CABP1: variants seen among roughly 807,000 people sequenced by gnomAD.
The protein encoded by CABP1 is calcium binding protein 1, also known as calcium-binding protein 1.
Under a neutral mutation model 34.3 loss-of-function variants are expected in CABP1, and 17 were observed. The observed-to-expected ratio is 0.50, with a 90% confidence interval of 0.34 to 0.74. The LOEUF is 0.74. Among genes scored for constraint, CABP1 ranks in the 30% least tolerant of loss-of-function variants. CABP1 has a pLI of 0.01. For missense variants in CABP1, 373 were observed against 511.1 expected (o/e 0.73, Z 2.61); for synonymous variants, 198 against 229.2 (o/e 0.86, Z 1.23).
At chr12:120,678,270 C>G in the CABP1 span, among the ~76,000 whole-genome samples, 1 of 152,212 alleles carries the variant, frequency 6.6e-6, no homozygotes, top group African/African-American at 2.4e-5. Flanking sequence ...CTTTGTTCTT[C>G]TGATCCTTAT....
intron 1 of CABP1, among the ~76,000 whole-genome samples, chr12:120,644,266 A>G (rs1879455780): frequency 6.6e-6 from 1 of 152,364 alleles, no homozygotes; most frequent in East Asian, 1.9e-4. Flanking sequence ...TGCCTGGCTC[A>G]TAGTGAGTGC....
At chr12:120,658,232 T>A (rs1880374322) in intron 1 of CABP1, among the ~76,000 whole-genome samples, 1 of 151,912 alleles carries the variant, frequency 6.6e-6, no homozygotes, top group Admixed American at 6.6e-5. Flanking sequence ...TAGCTGGGAC[T>A]ACAGGCGTGA....
At chr12:120,655,467 C>G in intron 1 of CABP1, 1 of 972,492 alleles carries the variant, frequency 1.0e-6, no homozygotes, top group Non-Finnish European at 1.2e-6. Flanking sequence ...CACTTTGCCC[C>G]AGTCCCCACC....
the CABP1 span, among the ~76,000 whole-genome samples, chr12:120,672,601 CAAAAAAA>C: frequency 5.0e-5 from 5 of 99,302 alleles, no homozygotes; most frequent in African/African-American, 1.4e-4. Context: ...CATTGCACTC[CAAAAAAA>C]AAAAAAAAAA....
chr12:120,678,014 G>C, the CABP1 span, among the ~76,000 whole-genome samples: 1 of 152,162 alleles, frequency 6.6e-6, no homozygotes, highest in East Asian at 1.9e-4. Context: ...AGGACCAGCA[G>C]ACACGGTGGG....
intron 1 of CABP1, among the ~76,000 whole-genome samples, chr12:120,654,476 G>A (rs1362940379): frequency 6.6e-6 from 1 of 152,178 alleles, no homozygotes; most frequent in Non-Finnish European, 1.5e-5. Context: ...TCTTTGCCCT[G>A]GAGGAATCTG....
intron 1 of CABP1, chr12:120,650,802 C>T: frequency 9.8e-7 from 1 of 1,025,174 alleles, no homozygotes. Context: ...GGGTTCTGTC[C>T]AGGGCTGCCT....
rs889185821 is a variant in CABP1, at chr12:120,660,496, T to C, written c.829+157T>C. On this transcript the variant is annotated intron_variant, in intron 3 of 5. Transcript: ENST00000316803. This position sits in a 1 kb window ranked among gnomAD's most constrained non-coding sequence, Gnocchi z 5.0. ...CTCTCTGAGCCTCAGTTTCCTCACC[T>C]GTAAAATGAGGGCCGAATTGGAGGA... Among the ~76,000 whole-genome samples the C allele has an allele frequency of 4.6e-5, 7 of 152,176 alleles. No homozygotes were observed. Among genetic ancestry groups the C allele is most frequent in the Admixed American group, 4.6e-4 (7 of 15,270 alleles).
At chr12:120,670,982 G>A (rs1881231996), downstream of CABP1, among the ~76,000 whole-genome samples, 1 of 152,142 alleles carries the variant, frequency 6.6e-6, no homozygotes. Context: ...TGGCCTAAGT[G>A]CTACATATTA....
chr12:120,671,110 T>C (rs1881237079), downstream of CABP1, among the ~76,000 whole-genome samples: 1 of 151,972 alleles, frequency 6.6e-6, no homozygotes, highest in South Asian at 2.1e-4. Flanking sequence ...GGATCAGCAG[T>C]GCTTAGTTAG....
chr12:120,660,201 C>T lies in CABP1; in HGVS notation c.691C>T (p.Arg231Ter). The change falls in exon 3 of 6, where the codon CGA becomes TGA. Residue 231 changes from arginine to a stop codon, truncating the protein, a stop_gained. Coordinates refer to ENST00000316803, the MANE Select transcript of CABP1 (RefSeq NM_001033677.2). LOFTEE classifies it high-confidence loss of function. The surrounding 1 kb of genome is among the most constrained non-coding windows in gnomAD (Gnocchi z 5.0). The part of the protein sequence containing the change: ...SLRPEEIEEL[R>*]EAFREFDKDK... ...ACCTTTGCTCACTTCCCCAGAGCTC[C>T]GAGAGGCCTTCAGAGAATTCGACAA... 1.9e-6 allele frequency: 3 copies of T among 1,614,090 alleles called. No homozygotes were observed. Among genetic ancestry groups the T allele is most frequent in the Non-Finnish European group, 1.7e-6 (2 of 1,179,986 alleles).
In CABP1 at chr12:120,660,650, G is replaced by A. The variant is rs1880567425; in HGVS notation, c.830-81G>A. The A allele has an allele frequency of 2.1e-6, 2 of 955,168 alleles. No individual in the cohort carries two copies. Among genetic ancestry groups the A allele is most frequent in the Non-Finnish European group, 3.4e-6 (2 of 584,850 alleles). The allele number at this position is 955,168 out of a possible 1,614,324, so 59.2% of individuals were successfully genotyped here. A position where few individuals can be genotyped will look rare whatever the true frequency, so the allele number is the denominator to read the frequency against. ...TATCTGATGAGCAGGTCAAGGAGGG[G>A]TTGTCCATTCTGTCAGTTGTCTAGT... On this transcript the variant is annotated intron_variant, in intron 3 of 5. Transcript: ENST00000316803. This position sits in a 1 kb window ranked among gnomAD's most constrained non-coding sequence, Gnocchi z 5.0.
rs1879322944 is a variant in CABP1, at chr12:120,641,528, T to C, written c.654+189T>C. ...TCCCCGTGCCTGATTCAGCACCCCG[T>C]GCGCTGTCCACGCTCCGGGCCTCTT... On this transcript the variant is annotated intron_variant, in intron 1 of 5. Transcript: ENST00000316803. The surrounding 1 kb of genome is among the most constrained non-coding windows in gnomAD (Gnocchi z 6.7). The C allele has an allele frequency of 5.6e-6, 3 of 532,546 alleles. No homozygotes were observed. Among genetic ancestry groups the C allele is most frequent in the African/African-American group, 2.0e-5 (1 of 50,884 alleles). 33.0% of individuals were successfully genotyped at this position (532,546 alleles called of 1,614,324 possible). A position where few individuals can be genotyped will look rare whatever the true frequency, so the allele number is the denominator to read the frequency against.
intron 1 of CABP1, among the ~76,000 whole-genome samples, chr12:120,657,920 T>C (rs1880344000): frequency 1.3e-5 from 2 of 152,200 alleles, no homozygotes; most frequent in Non-Finnish European, 2.9e-5. Flanking sequence ...CTAGGGCGTG[T>C]GCTCTGCATG....
chr12:120,666,865 A>C lies in CABP1; in HGVS notation c.1088-10A>C. 6.2e-7 allele frequency: 1 copy of C among 1,604,584 alleles called. No homozygotes were observed. The highest frequency in any genetic ancestry group is 8.5e-7 in the Non-Finnish European group (1 of 1,177,934). ...CTGCTTGCTCCCCAGCTGCTCCTCT[A>C]CCCTTCTAGAGTTTGTCCGGATGAT... On this transcript the variant is annotated splice_polypyrimidine_tract_variant and intron_variant, in intron 5 of 5. Coordinates refer to ENST00000316803, the MANE Select transcript of CABP1 (RefSeq NM_001033677.2).
At position 120,661,362 on chromosome 12, in the gene CABP1, G is replaced by GCC. The variant is rs1327171879; in HGVS notation, c.1087+148_1087+149dup. 3 of 825,060 alleles carry GCC rather than the reference G, an allele frequency of 3.6e-6. No homozygotes were observed. In the African/African-American group the frequency reaches 5.2e-5, roughly 14 times the overall value. The allele number at this position is 825,060 out of a possible 1,614,324, so 51.1% of individuals were successfully genotyped here. A position where few individuals can be genotyped will look rare whatever the true frequency, so the allele number is the denominator to read the frequency against. On this transcript the variant is annotated intron_variant, in intron 5 of 5. Transcript: ENST00000316803. This position sits in a 1 kb window ranked among gnomAD's most constrained non-coding sequence, Gnocchi z 5.1. ...TTCATCCTCTTATCCCTCCGTCCAT[G>GCC]CCCCCGTCTAATCCATCTCCCATCC...
chr12:120,661,158 G>A lies in CABP1; in HGVS notation c.1027G>A (p.Asp343Asn). 1 of 1,613,184 alleles carries A rather than the reference G, an allele frequency of 6.2e-7. No homozygotes were observed. Among genetic ancestry groups the A allele is most frequent in the Non-Finnish European group, 8.5e-7 (1 of 1,180,018 alleles). The change falls in exon 5 of 6, where the codon GAC (aspartate) becomes AAC (asparagine). Residue 343 changes from aspartate (D) to asparagine (N), a missense_variant. This residue lies in a region of CABP1 where 109 missense variants were observed against 204.8 expected (regional missense o/e 0.53). Transcript: ENST00000316803. The surrounding 1 kb of genome is among the most constrained non-coding windows in gnomAD (Gnocchi z 5.1). ...KLLGHQVGHR[D>N]IEEIIRDVDL... The stretch of plus-strand genomic sequence containing the variant: ...CCTGGGTCATCAGGTGGGACACCGA[G>A]ACATAGAGGAAATTATCCGAGATGT...
the CABP1 span, among the ~76,000 whole-genome samples, chr12:120,672,983 T>A: frequency 6.6e-6 from 1 of 152,074 alleles, no homozygotes. Context: ...TGATCCGAGA[T>A]CGTGCCACTG....
intron 1 of CABP1, among the ~76,000 whole-genome samples, chr12:120,642,247 A>G (rs1486808871): frequency 6.6e-6 from 1 of 152,090 alleles, no homozygotes; most frequent in Non-Finnish European, 1.5e-5. Flanking sequence ...GCAGCCTCCG[A>G]GAGGTGTCAT....
Sources: allele counts gnomAD v4.1 joint callset (sites outside exome capture counted in the v4.1 genomes callset), GRCh38; gene constraint gnomAD v4.1.1; regional missense constraint gnomAD v4.1.1; non-coding constraint Gnocchi (gnomAD v3.1); transcripts MANE v1.5; gene names NCBI Gene and HGNC (gene_info 2026-07-23, HGNC 2026-07-21).